PLXNA4: variants seen among roughly 807,000 people sequenced by gnomAD.
The protein encoded by PLXNA4 is plexin-A4.
In PLXNA4, 44 loss-of-function variants were observed where a neutral mutation model predicts 191.8. That is an observed-to-expected ratio of 0.23 (90% CI 0.18 to 0.29). The LOEUF is 0.29. Among genes scored for constraint, PLXNA4 ranks in the 10% least tolerant of loss-of-function variants. The pLI is 1.00. For missense variants in PLXNA4, 1,800 were observed against 2,488.8 expected, an observed-to-expected ratio of 0.72 and a Z score of 5.89; for synonymous variants, 1,082 against 1,009.5, an observed-to-expected ratio of 1.07 and a Z score of -1.36.
intron 3 of PLXNA4, among the ~76,000 whole-genome samples, chr7:132,359,918 G>A (rs889301360): frequency 1.3e-5 from 2 of 152,202 alleles, no homozygotes; most frequent in African/African-American, 4.8e-5. Context: ...AATCAAGATG[G>A]CATAATTGCC....
At chr7:132,451,541 C>T (rs1796124563) in intron 3 of PLXNA4, among the ~76,000 whole-genome samples, 1 of 152,228 alleles carries the variant, frequency 6.6e-6, no homozygotes, top group East Asian at 1.9e-4. Flanking sequence ...TCAGTAAGGG[C>T]TTGCCTGCAC....
chr7:132,625,995 C>T (rs1499299), intron 2 of PLXNA4, among the ~76,000 whole-genome samples: 13,066 of 152,138 alleles, frequency 0.086, 1,194 homozygotes, highest in East Asian at 0.27. Context: ...TTAAGCAGGT[C>T]TTCTCCCCTC....
chr7:132,610,247 G>C (rs569600147), intron 2 of PLXNA4, among the ~76,000 whole-genome samples: 3 of 152,264 alleles, frequency 2.0e-5, no homozygotes, highest in Admixed American at 2.0e-4. Flanking sequence ...GCTCCTCCTG[G>C]GGAATTTCTG....
At chr7:132,173,014 C>T (rs754249403) in intron 21 of PLXNA4, among the ~76,000 whole-genome samples, 23 of 152,172 alleles carry the variant, frequency 1.5e-4, no homozygotes, top group Non-Finnish European at 2.6e-4. Context: ...TACCACTTCC[C>T]ACATGCCCAT....
intron 3 of PLXNA4, among the ~76,000 whole-genome samples, chr7:132,310,215 T>C (rs1446281875): frequency 6.6e-6 from 1 of 152,240 alleles, no homozygotes; most frequent in Non-Finnish European, 1.5e-5. Context: ...CGTGAGGATC[T>C]CATCAGGTGA....
At chr7:132,593,088 C>T (rs897238040) in intron 2 of PLXNA4, among the ~76,000 whole-genome samples, 2 of 152,274 alleles carry the variant, frequency 1.3e-5, no homozygotes, top group African/African-American at 2.4e-5. Context: ...TGGACTAATT[C>T]GTGAGGATGA....
At chr7:132,479,611 G>A (rs1463459498) in intron 3 of PLXNA4, among the ~76,000 whole-genome samples, 1 of 152,170 alleles carries the variant, frequency 6.6e-6, no homozygotes, top group Non-Finnish European at 1.5e-5. Context: ...AGTGGTTTTG[G>A]GGGGAAGAGG....
At chr7:132,634,946 A>G (rs1209985170) in intron 2 of PLXNA4, among the ~76,000 whole-genome samples, 2 of 152,098 alleles carry the variant, frequency 1.3e-5, no homozygotes, top group East Asian at 3.9e-4. Flanking sequence ...ATCAGCTGCC[A>G]GTGTGGTTAG....
At chr7:132,445,673 T>C (rs79876422) in intron 3 of PLXNA4, among the ~76,000 whole-genome samples, 2,488 of 152,152 alleles carry the variant, frequency 0.016, 58 homozygotes, top group African/African-American at 0.057. Flanking sequence ...ACCAGACCAG[T>C]TGAAACACCT....
intron 1 of PLXNA4, among the ~76,000 whole-genome samples, chr7:132,569,906 T>G (rs1004029976): frequency 6.6e-6 from 1 of 152,168 alleles, no homozygotes; most frequent in African/African-American, 2.4e-5. Context: ...CAGTACTTGG[T>G]TTACGTAATG....
chr7:132,200,556 C>G (rs781553151), intron 12 of PLXNA4, among the ~76,000 whole-genome samples: 1 of 152,206 alleles, frequency 6.6e-6, no homozygotes, highest in Non-Finnish European at 1.5e-5. Context: ...CTGAGAGAAA[C>G]TCTCAGAGCC....
intron 24 of PLXNA4, among the ~76,000 whole-genome samples, chr7:132,162,928 A>G (rs80119773): frequency 0.012 from 1,892 of 152,226 alleles, 41 homozygotes; most frequent in African/African-American, 0.04. Flanking sequence ...ATTTGCCCTC[A>G]GCTCAGAGCA....
At chr7:132,201,123 GAGA>G (rs1562916938) in intron 12 of PLXNA4, among the ~76,000 whole-genome samples, 4 of 152,192 alleles carry the variant, frequency 2.6e-5, no homozygotes, top group Admixed American at 1.3e-4. Context: ...AATGCACAAA[GAGA>G]AGATGATGGG....
chr7:132,199,761 C>T (rs1359479548), intron 12 of PLXNA4, among the ~76,000 whole-genome samples: 1 of 152,204 alleles, frequency 6.6e-6, no homozygotes, highest in African/African-American at 2.4e-5. Flanking sequence ...CTAGGCTGTG[C>T]TGCCCTCCCC....
intron 2 of PLXNA4, among the ~76,000 whole-genome samples, chr7:132,637,311 C>T (rs59725725): frequency 0.075 from 11,431 of 152,164 alleles, 1,039 homozygotes; most frequent in East Asian, 0.27. Context: ...CACCCCTTCA[C>T]CTGCTGTGTC....
At chr7:132,193,331 G>A (rs1362688560) in intron 14 of PLXNA4, among the ~76,000 whole-genome samples, 3 of 152,222 alleles carry the variant, frequency 2.0e-5, no homozygotes, top group African/African-American at 7.2e-5. Context: ...GCACTTGCCA[G>A]ATGTAGCCCC....
chr7:132,458,552 G>T (rs1183463997), intron 3 of PLXNA4, among the ~76,000 whole-genome samples: 1 of 151,526 alleles, frequency 6.6e-6, no homozygotes, highest in Non-Finnish European at 1.5e-5. Context: ...TAGAGCAAAA[G>T]AAAGGAGACA....
At chr7:132,193,362 C>T (rs1395988153) in intron 14 of PLXNA4, among the ~76,000 whole-genome samples, 1 of 152,158 alleles carries the variant, frequency 6.6e-6, no homozygotes, top group Non-Finnish European at 1.5e-5. Flanking sequence ...ACTTCCCAGC[C>T]TCCAGAACAA....
chr7:132,404,490 G>A lies in PLXNA4; in HGVS notation c.1371+84802C>T, dbSNP rs113886024. On this transcript the variant is annotated intron_variant, in intron 3 of 31. Coordinates refer to ENST00000321063, the MANE Select transcript of PLXNA4 (RefSeq NM_020911.2). ...TGGGCAGGTGGCCTCCCACTGGGTGGCAGAACAGGATGGCCACACAACCAA... is the reference window on the plus strand; with the variant it reads ...TGGGCAGGTGGCCTCCCACTGGGTGACAGAACAGGATGGCCACACAACCAA... Among the ~76,000 whole-genome samples the A allele has an allele frequency of 9.8e-4, 149 of 152,268 alleles. 3 individuals carry two copies. The highest frequency in any genetic ancestry group is 3.5e-3 in the African/African-American group (146 of 41,548).
Sources: gnomAD v4.1 joint callset for allele counts (sites outside exome capture counted in the v4.1 genomes callset) on GRCh38, gnomAD v4.1.1 for gene constraint, MANE v1.5 for transcripts, NCBI Gene and HGNC (gene_info 2026-07-23, HGNC 2026-07-21) for gene names.